ASTN2: variants seen among roughly 807,000 people sequenced by gnomAD.
ASTN2 encodes astrotactin-2.
Under a neutral mutation model 139.8 loss-of-function variants are expected in ASTN2, and 54 were observed. The observed-to-expected ratio is 0.39, with a 90% CI of 0.31 to 0.48. The LOEUF is 0.48. Ranked by LOEUF, ASTN2 falls within the 20% of genes least tolerant of loss-of-function variation. The probability of loss-of-function intolerance (pLI) is 0.95; values close to 1 mark genes in which losing one functional copy is unlikely to be tolerated. For missense variants in ASTN2, 1,565 were observed against 1,725.1 expected, an observed-to-expected ratio of 0.91 and a Z score of 1.64; for synonymous variants, 756 against 719.5, an observed-to-expected ratio of 1.05 and a Z score of -0.81.
At chr9:116,694,739 G>A (rs953329237) in intron 16 of ASTN2, among the ~76,000 whole-genome samples, 1 of 151,374 alleles carries the variant, frequency 6.6e-6, no homozygotes, top group African/African-American at 2.4e-5. Context: ...CCAAAGTGCT[G>A]GGATTACAGG....
chr9:116,919,635 A>C (rs1564340850), intron 10 of ASTN2, among the ~76,000 whole-genome samples: 2 of 147,952 alleles, frequency 1.4e-5, no homozygotes, highest in East Asian at 4.1e-4. Flanking sequence ...GTTTACAAAA[A>C]CATCATTTTT....
chr9:116,790,561 G>A lies in ASTN2; in HGVS notation c.2396+15071C>T, dbSNP rs554290697. Reference sequence around the variant, plus strand: ...TGTTACTCTAGCCTCCAGGTCTCAGGAAGCACTTCTTCCAGGGAGTCTTCG... The same window carrying A: ...TGTTACTCTAGCCTCCAGGTCTCAGAAAGCACTTCTTCCAGGGAGTCTTCG... On this transcript the variant is annotated intron_variant, in intron 13 of 22. Transcript: ENST00000313400. Among the ~76,000 whole-genome samples the A allele has an allele frequency of 7.2e-5, 11 of 152,206 alleles. No homozygotes were observed. The South Asian group carries it at 2.3e-3, about 32-fold the overall frequency.
intron 19 of ASTN2, among the ~76,000 whole-genome samples, chr9:116,603,670 C>G (rs752478078): frequency 6.6e-6 from 1 of 152,210 alleles, no homozygotes; most frequent in Non-Finnish European, 1.5e-5. Flanking sequence ...GTCATAGACA[C>G]AAGGTAGTAT....
chr9:116,893,958 A>G (rs940160360), intron 10 of ASTN2, among the ~76,000 whole-genome samples: 1 of 152,060 alleles, frequency 6.6e-6, no homozygotes, highest in Non-Finnish European at 1.5e-5. Context: ...CATTTTTCCC[A>G]TTAGCACACT....
At chr9:116,796,413 T>C (rs770010736) in intron 13 of ASTN2, among the ~76,000 whole-genome samples, 15 of 152,194 alleles carry the variant, frequency 9.9e-5, no homozygotes, top group Non-Finnish European at 1.6e-4. Flanking sequence ...GTGATTCTTA[T>C]GATCAGGTGA....
At chr9:117,389,164 G>C (rs1034528338) in intron 1 of ASTN2, among the ~76,000 whole-genome samples, 1 of 152,124 alleles carries the variant, frequency 6.6e-6, no homozygotes, top group Admixed American at 6.5e-5. Context: ...AATCCAAGCA[G>C]GTTAATTTCC....
At chr9:117,207,678 G>T (rs1831978235) in intron 3 of ASTN2, among the ~76,000 whole-genome samples, 1 of 152,118 alleles carries the variant, frequency 6.6e-6, no homozygotes, top group South Asian at 2.1e-4. Flanking sequence ...GCAGCTCCTG[G>T]CAGGTACGCC....
At chr9:117,149,281 G>A (rs1830273967) in intron 3 of ASTN2, among the ~76,000 whole-genome samples, 1 of 152,128 alleles carries the variant, frequency 6.6e-6, no homozygotes, top group Admixed American at 6.6e-5. Flanking sequence ...GCCTCTCAAA[G>A]TGCTGGGATT....
intron 16 of ASTN2, among the ~76,000 whole-genome samples, chr9:116,713,717 G>A (rs959419362): frequency 2.0e-5 from 3 of 152,160 alleles, no homozygotes; most frequent in Non-Finnish European, 4.4e-5. Context: ...AATACCATTT[G>A]CCAACTCTGT....
intron 1 of ASTN2, among the ~76,000 whole-genome samples, chr9:117,400,457 G>C (rs1000842717): frequency 6.6e-6 from 1 of 152,118 alleles, no homozygotes; most frequent in Non-Finnish European, 1.5e-5. Context: ...AAGAGGTCAG[G>C]ACAATAAAAG....
chr9:116,687,196 G>T (rs1360391039), intron 16 of ASTN2: 4 of 1,018,848 alleles, frequency 3.9e-6, no homozygotes, highest in Non-Finnish European at 4.7e-6. Context: ...CTGCAGGGCC[G>T]CCTTGCCCCG....
At chr9:117,231,240 G>C (rs1832882412) in intron 2 of ASTN2, among the ~76,000 whole-genome samples, 1 of 152,210 alleles carries the variant, frequency 6.6e-6, no homozygotes, top group South Asian at 2.1e-4. Context: ...GAAATTCTTA[G>C]TAATAGAGAG....
chr9:116,933,005 C>CAAAAA (rs34505075), intron 10 of ASTN2, among the ~76,000 whole-genome samples: 1 of 70,052 alleles, frequency 1.4e-5, no homozygotes, highest in Non-Finnish European at 2.7e-5. Context: ...GACTCTGTCT[C>CAAAAA]AAAAAAAAAA....
At chr9:117,166,889 T>C (rs1250793558) in intron 3 of ASTN2, among the ~76,000 whole-genome samples, 1 of 152,156 alleles carries the variant, frequency 6.6e-6, no homozygotes, top group East Asian at 1.9e-4. Flanking sequence ...TTTCCTCTCT[T>C]AGACTCAGTT....
chr9:116,840,873 AGAC>A (rs1057196027), intron 11 of ASTN2, among the ~76,000 whole-genome samples: 2 of 151,096 alleles, frequency 1.3e-5, no homozygotes, highest in Middle Eastern at 3.2e-3. Flanking sequence ...GGCCGGGTAG[AGAC>A]GCTCCTCACT....
rs543168624 is a variant in ASTN2, at chr9:117,189,846, T to C, written c.1015+24512A>G. 1.4e-4 allele frequency among the ~76,000 whole-genome samples: 22 copies of C among 152,290 alleles called. No homozygotes were observed. In the South Asian group the frequency reaches 4.4e-3, roughly 30 times the overall value. On this transcript the variant is annotated intron_variant, in intron 3 of 22. Transcript: ENST00000313400. ...AGGAGTTGAAAGAGAGTGGTATCCTTTCCTAGACTAATCTGTGCATCCCTA... is the reference window on the plus strand; with the variant it reads ...AGGAGTTGAAAGAGAGTGGTATCCTCTCCTAGACTAATCTGTGCATCCCTA...
chr9:117,065,131 C>T (rs571482653), intron 5 of ASTN2, among the ~76,000 whole-genome samples: 1 of 152,034 alleles, frequency 6.6e-6, no homozygotes, highest in Non-Finnish European at 1.5e-5. Flanking sequence ...CTAGGAACTT[C>T]GAGGATTGCT....
chr9:117,362,397 G>C (rs755757179), intron 1 of ASTN2, among the ~76,000 whole-genome samples: 1 of 152,104 alleles, frequency 6.6e-6, no homozygotes, highest in African/African-American at 2.4e-5. Flanking sequence ...TGTCATCCAA[G>C]TTATCTTGCC....
At chr9:117,156,676 G>A (rs1830440021) in intron 3 of ASTN2, among the ~76,000 whole-genome samples, 1 of 152,008 alleles carries the variant, frequency 6.6e-6, no homozygotes, top group South Asian at 2.1e-4. Context: ...CAAGCCGGCA[G>A]TGACATCACT....
Sources: allele counts gnomAD v4.1 joint callset (sites outside exome capture counted in the v4.1 genomes callset), GRCh38; gene constraint gnomAD v4.1.1; transcripts MANE v1.5; gene names NCBI Gene and HGNC (gene_info 2026-07-23, HGNC 2026-07-21).